Variants in IL33 observed in about 807,000 individuals in gnomAD.
IL33 encodes interleukin 33, also known as interleukin-33.
In IL33, 37 loss-of-function variants were observed where a neutral mutation model predicts 27.3. That is an observed-to-expected ratio of 1.36 (90% CI 1.04 to 1.78). The LOEUF (loss-of-function observed/expected upper bound fraction) is 1.78. Ranked by LOEUF, IL33 falls within the 40% of genes most tolerant of loss-of-function variation. IL33 has a pLI of 0.00. For missense variants in IL33, 406 were observed against 311.4 expected (o/e 1.30, Z -2.29); for synonymous variants, 132 against 102.9 (o/e 1.28, Z -1.71).
intron 1 of IL33, among the ~76,000 whole-genome samples, chr9:6,222,644 C>G (rs1818460462): frequency 6.6e-6 from 1 of 152,186 alleles, no homozygotes; most frequent in East Asian, 1.9e-4. Flanking sequence ...GAAAAACTTT[C>G]ACATATTTTT....
At chr9:6,255,833 A>G (rs1816693219) in intron 7 of IL33, 135 bp from the exon 8 acceptor site, 2 of 690,384 alleles carry the variant, frequency 2.9e-6, no homozygotes, top group East Asian at 5.4e-5. Flanking sequence ...TCTTCCCTCC[A>G]CAACTCACTA....
chr9:6,224,163 T>C (rs1287794643), intron 1 of IL33, among the ~76,000 whole-genome samples: 1 of 152,182 alleles, frequency 6.6e-6, no homozygotes, highest in Non-Finnish European at 1.5e-5. Context: ...CCTTGCTATT[T>C]CCTAAAGCTG....
At chr9:6,248,718 G>A (rs1201442803) in intron 2 of IL33, among the ~76,000 whole-genome samples, 2 of 152,032 alleles carry the variant, frequency 1.3e-5, no homozygotes, top group East Asian at 1.9e-4. Context: ...GAGACTACAG[G>A]AGCAGGCCAC....
At chr9:6,216,755 A>T (rs990806774) in intron 1 of IL33, among the ~76,000 whole-genome samples, 1 of 152,206 alleles carries the variant, frequency 6.6e-6, no homozygotes, top group Non-Finnish European at 1.5e-5. Context: ...TCTCCAAAAA[A>T]AATGATGGAA....
At chr9:6,216,626 T>C (rs572295356) in intron 1 of IL33, among the ~76,000 whole-genome samples, 43 of 152,204 alleles carry the variant, frequency 2.8e-4, no homozygotes, top group African/African-American at 9.4e-4. Flanking sequence ...TGGGCACCTG[T>C]AATCCCAGCT....
upstream of IL33, chr9:6,215,662 A>T (rs1367647726): frequency 6.6e-6 from 1 of 152,214 alleles, no homozygotes; most frequent in Non-Finnish European, 1.5e-5. Flanking sequence ...TGAGCCTTAG[A>T]TGTTGACAGA....
At chr9:6,227,718 A>G (rs1230618444) in intron 1 of IL33, among the ~76,000 whole-genome samples, 1 of 152,218 alleles carries the variant, frequency 6.6e-6, no homozygotes, top group Non-Finnish European at 1.5e-5. Context: ...CTGATGGTAT[A>G]TGAACTGAGC....
intron 1 of IL33, among the ~76,000 whole-genome samples, chr9:6,232,202 C>G (rs1818958549): frequency 6.6e-6 from 1 of 152,096 alleles, no homozygotes. Context: ...ATGCAGCACC[C>G]CATGAGTTAA....
chr9:6,247,790 A>G (rs1390249186), intron 2 of IL33, among the ~76,000 whole-genome samples: 1 of 152,030 alleles, frequency 6.6e-6, no homozygotes, highest in Non-Finnish European at 1.5e-5. Context: ...ACACCAAAGC[A>G]TATGTTCTTC....
intron 2 of IL33, among the ~76,000 whole-genome samples, chr9:6,248,430 C>T (rs1177650626): frequency 6.6e-6 from 1 of 151,830 alleles, no homozygotes; most frequent in Non-Finnish European, 1.5e-5. Context: ...TATCAAGAGA[C>T]TGGGTTTGTT....
At position 6,251,194 on chromosome 9, in the gene IL33, T is replaced by C. The variant is rs1413900955; in HGVS notation, c.272T>C (p.Val91Ala). The change falls in exon 4 of 8, where the codon GTG (valine) becomes GCG (alanine). Residue 91 changes from valine (V) to alanine (A), a missense_variant. Transcript: ENST00000682010. Reference sequence around the variant, plus strand: ...GCTGCCTGTCAACAGCAGTCTACTGTGGAGTGCTTTGCCTTTGGTATATCA... The same window carrying C: ...GCTGCCTGTCAACAGCAGTCTACTGCGGAGTGCTTTGCCTTTGGTATATCA... ...VLAACQQQST[V>A]ECFAFGISGV... The C allele has an allele frequency of 6.2e-7, 1 of 1,613,956 alleles. No individual in the cohort carries two copies. Among genetic ancestry groups the C allele is most frequent in the Admixed American group, 1.7e-5 (1 of 59,994 alleles).
At chr9:6,227,903 G>A (rs1192406630) in intron 1 of IL33, among the ~76,000 whole-genome samples, 1 of 152,190 alleles carries the variant, frequency 6.6e-6, no homozygotes, top group African/African-American at 2.4e-5. Flanking sequence ...GATCTGGAAT[G>A]CAACGGATTT....
Position 6,255,979 on chromosome 9 carries a change from T to G in IL33, c.624T>G (p.Cys208Trp). The change falls in exon 8 of 8, where the codon TGT (cysteine) becomes TGG (tryptophan). Residue 208 changes from cysteine to tryptophan, a missense_variant. Cys to Trp is a radical substitution (Grantham distance 215). Transcript: ENST00000682010. ...TCTTGTTTCCTCAGCTCCATAAGTG[T>G]GAAAAACCACTGCCAGACCAGGCCT... ...NKEHSVELHK[C>W]EKPLPDQAFF... 1 of 1,613,470 alleles carries G rather than the reference T, an allele frequency of 6.2e-7. No homozygotes were observed.
rs1819248693 is a variant in IL33 at position 6,236,955 on chromosome 9, C to T, written c.-11-4729C>T. The stretch of plus-strand genomic sequence containing the variant: ...TCTGACGGTAGGAAAAAGATAAGCT[C>T]CCACACGTTCTAATGCATTTAAGTA... On this transcript the variant is annotated intron_variant, in intron 1 of 7. Transcript: ENST00000682010. Among the ~76,000 whole-genome samples the T allele has an allele frequency of 2.0e-5, 3 of 152,156 alleles. No individual in the cohort carries two copies. In the South Asian group the frequency reaches 6.2e-4, roughly 32 times the overall value.
At chr9:6,242,592 T>C (rs543278388) in intron 2 of IL33, 184 of 152,302 alleles carry the variant, frequency 1.2e-3, no homozygotes, top group African/African-American at 4.2e-3. Flanking sequence ...GGATTTGACA[T>C]TTTCAGCGAT....
chr9:6,237,852 A>C (rs887203870), intron 1 of IL33, among the ~76,000 whole-genome samples: 5 of 152,234 alleles, frequency 3.3e-5, no homozygotes, highest in Non-Finnish European at 7.3e-5. Flanking sequence ...ACGTCAAGGC[A>C]ATGCAGTTTT....
chr9:6,222,159 T>G (rs962189888), intron 1 of IL33, among the ~76,000 whole-genome samples: 2 of 152,208 alleles, frequency 1.3e-5, no homozygotes, highest in African/African-American at 4.8e-5. Context: ...TTGTGGCTTA[T>G]TTTATTCAGA....
At chr9:6,218,256 T>G (rs1406552539) in intron 1 of IL33, among the ~76,000 whole-genome samples, 1 of 152,182 alleles carries the variant, frequency 6.6e-6, no homozygotes, top group Non-Finnish European at 1.5e-5. Flanking sequence ...ATTTCTTAAG[T>G]AACCTAGATG....
At chr9:6,231,848 T>C (rs1193652704) in intron 1 of IL33, among the ~76,000 whole-genome samples, 1 of 152,196 alleles carries the variant, frequency 6.6e-6, no homozygotes, top group Non-Finnish European at 1.5e-5. Flanking sequence ...TTTCAGAGAA[T>C]TTACTCTCTA....
Sources: allele counts gnomAD v4.1 joint callset (sites outside exome capture counted in the v4.1 genomes callset), GRCh38; gene constraint gnomAD v4.1.1; transcripts MANE v1.5; gene names NCBI Gene and HGNC (gene_info 2026-07-23, HGNC 2026-07-21).